CWF19L2: variants seen among roughly 807,000 people sequenced by gnomAD.
The protein encoded by CWF19L2 is CWF19 like cell cycle control factor 2.
In CWF19L2, 98 loss-of-function variants were observed where a neutral mutation model predicts 111.7. The observed-to-expected ratio is 0.88, with a 90% CI of 0.75 to 1.04. The LOEUF (loss-of-function observed/expected upper bound fraction) is 1.04, where lower values mean the gene tolerates loss of function less well. CWF19L2 is among the 50% of genes least tolerant of loss of function. The pLI, the probability that CWF19L2 is intolerant of heterozygous loss-of-function variation, is 0.00. For synonymous variants in CWF19L2, 351 were observed against 342.9 expected, an observed-to-expected ratio of 1.02 and a Z score of -0.26; for missense variants, 1,101 against 1,051.4, an observed-to-expected ratio of 1.05 and a Z score of -0.65.
intron 8 of CWF19L2, among the ~76,000 whole-genome samples, chr11:107,427,383 A>C (rs1228255133): frequency 6.6e-6 from 1 of 152,106 alleles, no homozygotes; most frequent in Non-Finnish European, 1.5e-5. Context: ...ATATATACAC[A>C]CATATATAGC....
At chr11:107,372,897 G>A (rs145950770) in intron 12 of CWF19L2, among the ~76,000 whole-genome samples, 42,992 of 127,464 alleles carry the variant, frequency 0.34, 12,083 homozygotes, top group Non-Finnish European at 0.4. Context: ...GACAGTGGGC[G>A]CAGGCCAGTG....
intron 10 of CWF19L2, among the ~76,000 whole-genome samples, chr11:107,397,046 C>G (rs1292235767): frequency 6.6e-6 from 1 of 152,112 alleles, no homozygotes; most frequent in Non-Finnish European, 1.5e-5. Flanking sequence ...CCCGTTCCTG[C>G]CTGGCACCAC....
In CWF19L2 at chr11:107,429,065, A is replaced by G. The variant is rs1472622321; in HGVS notation, c.1167T>C (p.Leu389=). 2 of 1,613,844 alleles carry G rather than the reference A, an allele frequency of 1.2e-6. No individual in the cohort carries two copies. The highest frequency in any genetic ancestry group is 1.7e-6 in the Non-Finnish European group (2 of 1,179,820). The change falls in exon 8 of 18, where the codon CTT becomes CTC. Residue 389 remains leucine, a synonymous_variant. Transcript: ENST00000282251. ...FHSKGRKFEP[L]SSSSALVAQG... ...GAGCTACCAATGCTGAAGATGAACT[A>G]AGTGGTTCAAATTTTCTGCCCTTGC... is the stretch of plus-strand genomic sequence containing the variant.
intron 9 of CWF19L2, among the ~76,000 whole-genome samples, chr11:107,417,550 T>C (rs1861244262): frequency 6.6e-6 from 1 of 152,172 alleles, no homozygotes; most frequent in Non-Finnish European, 1.5e-5. Flanking sequence ...CTTACAAATA[T>C]ATGACAAAAA....
At chr11:107,441,453 GTTTATTAAAGGTAAAT>G (rs1166973563) in intron 5 of CWF19L2, 34 bp downstream of exon 5, 1 of 1,427,254 alleles carries the variant, frequency 7.0e-7, no homozygotes. Flanking sequence ...TGTCTTGTAA[GTTTATTAAAGGTAAAT>G]TAGAAAGTTA....
In CWF19L2 at chr11:107,360,438, A is replaced by C. The variant is rs1860309487; in HGVS notation, c.1873-6702T>G. ...CTTTAATCTTGTGAACACTGCCACAATAGACATACAAGTGGGGGTATTTTT... is the reference window on the plus strand; with the variant it reads ...CTTTAATCTTGTGAACACTGCCACACTAGACATACAAGTGGGGGTATTTTT... On this transcript the variant is annotated intron_variant, in intron 12 of 17. Coordinates refer to ENST00000282251, the MANE Select transcript of CWF19L2 (RefSeq NM_152434.3). Among the ~76,000 whole-genome samples the C allele has an allele frequency of 3.9e-5, 6 of 152,256 alleles. No individual in the cohort carries two copies. In the South Asian group the frequency reaches 1.2e-3, roughly 31 times the overall value.
chr11:107,437,415 G>C (rs1175011528), intron 6 of CWF19L2, among the ~76,000 whole-genome samples: 2 of 152,100 alleles, frequency 1.3e-5, no homozygotes, highest in South Asian at 4.1e-4. Context: ...CCTTAATACA[G>C]ATATTGTAAT....
At chr11:107,433,154 A>G (rs1211353481) in intron 7 of CWF19L2, among the ~76,000 whole-genome samples, 1 of 152,164 alleles carries the variant, frequency 6.6e-6, no homozygotes, top group Non-Finnish European at 1.5e-5. Context: ...AAAAAAAAGA[A>G]TATCAGTAAT....
chr11:107,331,410 C>A (rs1859848363), intron 16 of CWF19L2, among the ~76,000 whole-genome samples: 1 of 151,982 alleles, frequency 6.6e-6, no homozygotes, highest in Non-Finnish European at 1.5e-5. Flanking sequence ...CAGATAGGCC[C>A]AATGTAATCA....
At chr11:107,362,175 G>A (rs372420361) in intron 12 of CWF19L2, among the ~76,000 whole-genome samples, 19 of 144,360 alleles carry the variant, frequency 1.3e-4, no homozygotes, top group East Asian at 4.1e-4. Flanking sequence ...AGGGTCCTAC[G>A]CCCACGGAGT....
chr11:107,387,328 C>T (rs576432587), intron 12 of CWF19L2, among the ~76,000 whole-genome samples: 2 of 152,116 alleles, frequency 1.3e-5, no homozygotes, highest in Admixed American at 6.5e-5. Flanking sequence ...TAATATAATA[C>T]TCTCCTTCTA....
chr11:107,411,185 C>A (rs768627965), intron 10 of CWF19L2, among the ~76,000 whole-genome samples: 12 of 151,674 alleles, frequency 7.9e-5, no homozygotes, highest in Non-Finnish European at 1.8e-4. Flanking sequence ...AATTTCTGAC[C>A]CATTATTCTG....
chr11:107,381,227 T>C (rs1208985235), intron 12 of CWF19L2, among the ~76,000 whole-genome samples: 2 of 152,296 alleles, frequency 1.3e-5, no homozygotes, highest in East Asian at 1.9e-4. Flanking sequence ...ATGGTTAAAA[T>C]GGTAAATTTT....
At chr11:107,357,908 G>C (rs1457885463) in intron 12 of CWF19L2, among the ~76,000 whole-genome samples, 1 of 152,148 alleles carries the variant, frequency 6.6e-6, no homozygotes, top group African/African-American at 2.4e-5. Context: ...AAAACTGCTG[G>C]ATGAAAGGAG....
intron 13 of CWF19L2, among the ~76,000 whole-genome samples, chr11:107,349,576 G>T (rs1860129179): frequency 1.3e-5 from 2 of 151,354 alleles, no homozygotes; most frequent in Non-Finnish European, 2.9e-5. Flanking sequence ...TTACATACAT[G>T]TATTACCTAA....
At chr11:107,354,493 A>T (rs992182603) in intron 12 of CWF19L2, among the ~76,000 whole-genome samples, 2 of 152,096 alleles carry the variant, frequency 1.3e-5, no homozygotes, top group African/African-American at 4.8e-5. Context: ...AATGCTTGGG[A>T]CCAGAAGAGT....
At chr11:107,449,114 C>A (rs1591211831) in intron 3 of CWF19L2, among the ~76,000 whole-genome samples, 3 of 121,802 alleles carry the variant, frequency 2.5e-5, no homozygotes, top group African/African-American at 6.3e-5. Flanking sequence ...AACCAGAAGA[C>A]AATGGGATGA....
chr11:107,347,560 A>C (rs952766076), intron 14 of CWF19L2, among the ~76,000 whole-genome samples: 1 of 152,218 alleles, frequency 6.6e-6, no homozygotes, highest in Non-Finnish European at 1.5e-5. Context: ...AGGAGCTACA[A>C]CACCATTATT....
At chr11:107,404,608 C>T (rs1167576314) in intron 10 of CWF19L2, 1 of 568,046 alleles carries the variant, frequency 1.8e-6, no homozygotes, top group Admixed American at 2.5e-5. Flanking sequence ...GCACCTGCAG[C>T]TCTGGCTTCG....
Sources: gnomAD v4.1 joint callset for allele counts (sites outside exome capture counted in the v4.1 genomes callset) on GRCh38, gnomAD v4.1.1 for gene constraint, MANE v1.5 for transcripts, NCBI Gene and HGNC (gene_info 2026-07-23, HGNC 2026-07-21) for gene names.